Variants in NCAM2 observed in about 807,000 individuals in gnomAD.
NCAM2 encodes N-CAM-2.
In NCAM2, 30 loss-of-function variants were observed where a neutral mutation model predicts 98.1. The ratio of observed to expected loss-of-function variants is 0.31; its 90% CI spans 0.23 to 0.41. NCAM2 has a LOEUF of 0.41. Among genes scored for constraint, NCAM2 ranks in the 10% least tolerant of loss-of-function variants. The pLI is 1.00. For missense variants in NCAM2, 867 were observed against 1,005.8 expected, an observed-to-expected ratio of 0.86 and a Z score of 1.87; for synonymous variants, 368 against 342.4, an observed-to-expected ratio of 1.07 and a Z score of -0.83.
At chr21:21,007,260 A>G (rs2064129422) in intron 1 of NCAM2, among the ~76,000 whole-genome samples, 1 of 152,108 alleles carries the variant, frequency 6.6e-6, no homozygotes, top group African/African-American at 2.4e-5. Context: ...CATTTTTTCT[A>G]TTATTGTAAC....
At chr21:21,025,403 A>G (rs1187108691) in intron 1 of NCAM2, among the ~76,000 whole-genome samples, 2 of 152,178 alleles carry the variant, frequency 1.3e-5, no homozygotes, top group Non-Finnish European at 1.5e-5. Context: ...ATGATGTTCT[A>G]TCTCCCCAGG....
intron 1 of NCAM2, among the ~76,000 whole-genome samples, chr21:21,198,534 A>T (rs1235194667): frequency 6.6e-6 from 1 of 152,188 alleles, no homozygotes; most frequent in Admixed American, 6.5e-5. Context: ...TAGTTCACTT[A>T]ATAAAATGAA....
chr21:21,356,619 C>G (rs1156458485), intron 8 of NCAM2, among the ~76,000 whole-genome samples: 1 of 152,050 alleles, frequency 6.6e-6, no homozygotes, highest in African/African-American at 2.4e-5. Context: ...AACCCCAATT[C>G]ACTTAACAAC....
intron 1 of NCAM2, among the ~76,000 whole-genome samples, chr21:21,268,103 A>G (rs1441906779): frequency 1.3e-5 from 2 of 152,088 alleles, no homozygotes; most frequent in African/African-American, 2.4e-5. Flanking sequence ...TTCCTGGTGA[A>G]TATGTGGTTT....
chr21:21,312,428 T>C (rs1303137050), intron 5 of NCAM2, among the ~76,000 whole-genome samples: 1 of 151,456 alleles, frequency 6.6e-6, no homozygotes, highest in East Asian at 1.9e-4. Flanking sequence ...TTTAATAATA[T>C]TAGGTTCAGA....
At chr21:21,288,287 A>T (rs1050183069) in intron 4 of NCAM2, among the ~76,000 whole-genome samples, 4 of 151,962 alleles carry the variant, frequency 2.6e-5, no homozygotes, top group African/African-American at 9.7e-5. Flanking sequence ...GGGGTCAGCT[A>T]TACTTCATTT....
chr21:21,171,185 C>T (rs890703071), intron 1 of NCAM2, among the ~76,000 whole-genome samples: 4 of 152,072 alleles, frequency 2.6e-5, no homozygotes, highest in Admixed American at 6.5e-5. Flanking sequence ...TAAGCAGGTT[C>T]TAAGCTGGGG....
chr21:21,174,100 A>C (rs1265166314), intron 1 of NCAM2, among the ~76,000 whole-genome samples: 1 of 152,072 alleles, frequency 6.6e-6, no homozygotes, highest in Non-Finnish European at 1.5e-5. Context: ...TTTGTATTTT[A>C]GTAGATACGA....
At chr21:21,452,722 T>TATATATTATATAATATATATAATATATA (rs1981374893) in intron 12 of NCAM2, among the ~76,000 whole-genome samples, 1 of 109,496 alleles carries the variant, frequency 9.1e-6, no homozygotes, top group African/African-American at 3.8e-5. Flanking sequence ...TATATTACTT[T>TATATATTATATAATATATATAATATATA]ATATATTATA....
chr21:21,256,245 A>G (rs750482545), intron 1 of NCAM2, among the ~76,000 whole-genome samples: 1 of 152,078 alleles, frequency 6.6e-6, no homozygotes, highest in Non-Finnish European at 1.5e-5. Context: ...AATCCTAGCA[A>G]CTAGGGAGGC....
chr21:21,494,423 A>T (rs902635174), intron 15 of NCAM2, among the ~76,000 whole-genome samples: 6 of 151,978 alleles, frequency 3.9e-5, no homozygotes, highest in Admixed American at 6.6e-5. Flanking sequence ...AACTAAAAAT[A>T]AAATTATTCA....
intron 4 of NCAM2, among the ~76,000 whole-genome samples, chr21:21,291,662 C>T (rs145191784): frequency 5.9e-4 from 89 of 151,652 alleles, no homozygotes; most frequent in African/African-American, 1.9e-3. Context: ...TCCACAGAGA[C>T]GCAAAATTTT....
chr21:21,468,840 G>A, intron 14 of NCAM2, 57 bp downstream of exon 14: 1 of 1,467,372 alleles, frequency 6.8e-7, no homozygotes, highest in Non-Finnish European at 9.4e-7. Flanking sequence ...AAATTGAGTT[G>A]CACTGAATTT....
chr21:21,104,603 G>T (rs1437166825), intron 1 of NCAM2, among the ~76,000 whole-genome samples: 1 of 151,948 alleles, frequency 6.6e-6, no homozygotes, highest in Admixed American at 6.6e-5. Context: ...TTCGAAGAGG[G>T]TGCATTTAAG....
chr21:21,223,008 C>A (rs1421346763), intron 1 of NCAM2, among the ~76,000 whole-genome samples: 1 of 152,086 alleles, frequency 6.6e-6, no homozygotes, highest in Non-Finnish European at 1.5e-5. Context: ...TGATGCAAAA[C>A]CCTCCACCAG....
intron 1 of NCAM2, among the ~76,000 whole-genome samples, chr21:21,168,000 T>C (rs561927773): frequency 6.6e-6 from 1 of 151,902 alleles, no homozygotes; most frequent in South Asian, 2.1e-4. Flanking sequence ...GAAGATATTA[T>C]AAGAAAAAAA....
chr21:21,006,096 TA>T (rs1201352013), intron 1 of NCAM2, among the ~76,000 whole-genome samples: 1 of 152,216 alleles, frequency 6.6e-6, no homozygotes, highest in Non-Finnish European at 1.5e-5. Flanking sequence ...CAAAGAGCAT[TA>T]AATACATTTA....
chr21:21,364,884 T>C (rs1038466058), intron 8 of NCAM2, among the ~76,000 whole-genome samples: 17 of 152,068 alleles, frequency 1.1e-4, no homozygotes, highest in South Asian at 8.3e-4. Flanking sequence ...GGGCCTGATT[T>C]GCACAATGAA....
intron 1 of NCAM2, 77 bp downstream of exon 1, chr21:20,998,695 AG>A (rs1219708463): frequency 5.9e-6 from 8 of 1,354,594 alleles, no homozygotes; most frequent in Non-Finnish European, 8.4e-6. Flanking sequence ...AGGGAGGCGC[AG>A]GAAGAATGAA....
Sources: gnomAD v4.1 joint callset for allele counts (sites outside exome capture counted in the v4.1 genomes callset) on GRCh38, gnomAD v4.1.1 for gene constraint, MANE v1.5 for transcripts, NCBI Gene and HGNC (gene_info 2026-07-23, HGNC 2026-07-21) for gene names.